PTPRJ: variants seen among roughly 807,000 people sequenced by gnomAD.
The protein encoded by PTPRJ is receptor-type tyrosine-protein phosphatase eta.
PTPRJ carries 129 observed loss-of-function variants against 141.3 expected under a neutral mutation model. That is an observed-to-expected ratio of 0.91 (90% CI 0.79 to 1.06). The LOEUF (loss-of-function observed/expected upper bound fraction) is 1.06. PTPRJ is among the 50% of genes least tolerant of loss of function. PTPRJ has a pLI of 0.00. For missense variants in PTPRJ, 1,601 were observed against 1,679.7 expected (o/e 0.95, Z 0.82); for synonymous variants, 610 against 640.5 (o/e 0.95, Z 0.72).
chr11:48,130,742 A>G (rs1856956974), intron 8 of PTPRJ, 26 bp downstream of exon 8: 1 of 1,559,392 alleles, frequency 6.4e-7, no homozygotes, highest in Non-Finnish European at 8.7e-7. Context: ...TTTCTGTTAA[A>G]CCATCATGTT....
chr11:48,108,074 CT>C (rs1326091915), intron 1 of PTPRJ, among the ~76,000 whole-genome samples: 1 of 152,128 alleles, frequency 6.6e-6, no homozygotes, highest in African/African-American at 2.4e-5. Flanking sequence ...AGAGTGAGAC[CT>C]TGTCTCTTAA....
intron 1 of PTPRJ, among the ~76,000 whole-genome samples, chr11:48,098,517 C>CTTTTTTTTTTTT (rs762125208): frequency 2.8e-5 from 1 of 36,340 alleles, no homozygotes; most frequent in Non-Finnish European, 7.4e-5. Context: ...CATTTTATCT[C>CTTTTTTTTTTTT]TTTTTTTTTT....
intron 1 of PTPRJ, among the ~76,000 whole-genome samples, chr11:48,045,042 A>G (rs182472671): frequency 2.0e-4 from 30 of 152,172 alleles, no homozygotes; most frequent in Admixed American, 1.7e-3. Flanking sequence ...TTTGAGTAGC[A>G]CCTTTGGGGT....
At chr11:48,075,605 G>T (rs1377200278) in intron 1 of PTPRJ, among the ~76,000 whole-genome samples, 1 of 151,874 alleles carries the variant, frequency 6.6e-6, no homozygotes, top group Non-Finnish European at 1.5e-5. Flanking sequence ...TTTTGTGTGT[G>T]TGTGTGTGGT....
chr11:48,136,625 C>T (rs1050254594), intron 9 of PTPRJ, among the ~76,000 whole-genome samples: 18 of 152,240 alleles, frequency 1.2e-4, no homozygotes, highest in African/African-American at 4.1e-4. Flanking sequence ...TGAGGAGCTT[C>T]GCCTGCAACA....
At chr11:48,146,854 C>T in intron 14 of PTPRJ, 22 bp from the exon 15 acceptor site, 1 of 1,606,720 alleles carries the variant, frequency 6.2e-7, no homozygotes, top group Non-Finnish European at 8.5e-7. Context: ...CTTGAAGTGT[C>T]TCCCATTTGG....
intron 1 of PTPRJ, among the ~76,000 whole-genome samples, chr11:48,075,851 C>T (rs1297377078): frequency 1.3e-5 from 2 of 152,226 alleles, no homozygotes; most frequent in African/African-American, 4.8e-5. Context: ...TTTCCAGCCT[C>T]ATTCCCTGAG....
intron 1 of PTPRJ, among the ~76,000 whole-genome samples, chr11:48,055,352 G>A (rs1370910415): frequency 1.3e-5 from 2 of 152,178 alleles, no homozygotes; most frequent in Non-Finnish European, 2.9e-5. Flanking sequence ...CTGCAAGCAT[G>A]GGAACTTTTG....
In PTPRJ at chr11:47,988,044, G is replaced by T. The variant is rs564546684; in HGVS notation, c.96+7036G>T. The stretch of plus-strand genomic sequence containing the variant: ...ACAATGTCGTTATTGTGTTACAAAC[G>T]ATTTGCGTCTCCAGGGCAGGAGTTG... On this transcript the variant is annotated intron_variant, in intron 1 of 24. Coordinates refer to ENST00000418331, the MANE Select transcript of PTPRJ (RefSeq NM_002843.4). Among the ~76,000 whole-genome samples, 4 of 152,358 alleles carry T rather than the reference G, an allele frequency of 2.6e-5. No individual in the cohort carries two copies. The South Asian group carries it at 8.3e-4, about 32-fold the overall frequency.
chr11:48,043,955 C>T (rs963421648), intron 1 of PTPRJ, among the ~76,000 whole-genome samples: 8 of 152,210 alleles, frequency 5.3e-5, no homozygotes. Flanking sequence ...CCTTTGACAT[C>T]CTCAGTGTGC....
chr11:48,120,233 G>A (rs1481172729), intron 3 of PTPRJ, among the ~76,000 whole-genome samples: 1 of 152,166 alleles, frequency 6.6e-6, no homozygotes, highest in African/African-American at 2.4e-5. Flanking sequence ...GGATGGAGCA[G>A]GTCTTTAATC....
chr11:47,991,394 G>T (rs1023539767), intron 1 of PTPRJ, among the ~76,000 whole-genome samples: 1 of 152,190 alleles, frequency 6.6e-6, no homozygotes, highest in Non-Finnish European at 1.5e-5. Flanking sequence ...TACATTTTCT[G>T]TGGCGGTCAA....
At chr11:48,160,093 A>G in intron 22 of PTPRJ, 44 bp downstream of exon 22, 2 of 1,601,982 alleles carry the variant, frequency 1.2e-6, no homozygotes, top group South Asian at 2.2e-5. Flanking sequence ...TAATTACCAT[A>G]TGTTAATTTG....
chr11:48,096,303 C>T (rs918172324), intron 1 of PTPRJ, among the ~76,000 whole-genome samples: 13 of 152,148 alleles, frequency 8.5e-5, no homozygotes, highest in Admixed American at 3.3e-4. Flanking sequence ...TTCTTCCTGA[C>T]CTTGGTATGA....
chr11:48,155,919 A>G (rs1309670887), intron 20 of PTPRJ, 45 bp downstream of exon 20: 5 of 1,589,474 alleles, frequency 3.1e-6, no homozygotes, highest in East Asian at 2.2e-5. Context: ...TTTCGATGAA[A>G]TCTTCAGTGT....
chr11:48,051,743 A>G (rs920303993), intron 1 of PTPRJ, among the ~76,000 whole-genome samples: 1 of 152,240 alleles, frequency 6.6e-6, no homozygotes, highest in African/African-American at 2.4e-5. Context: ...TTTGGGGCTC[A>G]GCTCCCTCAT....
chr11:48,093,470 T>C (rs1385031452), intron 1 of PTPRJ, among the ~76,000 whole-genome samples: 2 of 152,240 alleles, frequency 1.3e-5, no homozygotes, highest in Non-Finnish European at 2.9e-5. Context: ...TATGACATCT[T>C]CAGGAAGAAA....
At chr11:48,160,108 T>G in intron 22 of PTPRJ, 59 bp downstream of exon 22, 2 of 1,587,480 alleles carry the variant, frequency 1.3e-6, no homozygotes, top group Non-Finnish European at 1.7e-6. Context: ...AATTTGGGGG[T>G]GATATGTTTT....
At position 48,121,107 on chromosome 11, in the gene PTPRJ, G is replaced by T; in HGVS notation, c.457G>T (p.Val153Leu). ...DTAASEYKYV[V>L]KHKMENEKTI... ...AGCTGCTTCTGAGTACAAGTATGTAGTAAAGCATAAGATGGAAAATGAGAA... is the reference window on the plus strand; with the variant it reads ...AGCTGCTTCTGAGTACAAGTATGTATTAAAGCATAAGATGGAAAATGAGAA... The change falls in exon 4 of 25, where the codon GTA becomes TTA. Residue 153 changes from valine to leucine, a missense_variant. Coordinates refer to ENST00000418331, the MANE Select transcript of PTPRJ (RefSeq NM_002843.4). The T allele has an allele frequency of 6.2e-7, 1 of 1,614,066 alleles. No homozygotes were observed. Among genetic ancestry groups the T allele is most frequent in the Non-Finnish European group, 8.5e-7 (1 of 1,179,996 alleles).
Sources: gnomAD v4.1 joint callset for allele counts (sites outside exome capture counted in the v4.1 genomes callset) on GRCh38, gnomAD v4.1.1 for gene constraint, MANE v1.5 for transcripts, NCBI Gene and HGNC (gene_info 2026-07-23, HGNC 2026-07-21) for gene names.